Variants in ZNF664 observed in about 807,000 individuals in gnomAD.
ZNF664 encodes zinc finger Organ of Corti 1.
A neutral mutation model predicts 18.2 loss-of-function variants in ZNF664; 10 were observed. The ratio of observed to expected loss-of-function variants is 0.55; its 90% confidence interval spans 0.34 to 0.93. The LOEUF (loss-of-function observed/expected upper bound fraction) is 0.93. Ranked by LOEUF, ZNF664 falls within the 40% of genes least tolerant of loss-of-function variation. The pLI is 0.02. For synonymous variants in ZNF664, 119 were observed against 104.2 expected (o/e 1.14, Z -0.86); for missense variants, 193 against 319.0 (o/e 0.61, Z 3.01).
chr12:123,999,931 G>A (rs1956992208), intron 3 of ZNF664, among the ~76,000 whole-genome samples: 1 of 152,334 alleles, frequency 6.6e-6, no homozygotes, highest in Middle Eastern at 3.4e-3. Flanking sequence ...CCTGAGGCTT[G>A]GAAGACCCAG....
chr12:123,988,745 T>C (rs1389792337), intron 3 of ZNF664, among the ~76,000 whole-genome samples: 3 of 149,466 alleles, frequency 2.0e-5, no homozygotes, highest in Non-Finnish European at 3.0e-5. Flanking sequence ...GTTTTCTCTT[T>C]GGATTTGTTC....
At chr12:123,991,163 A>G (rs1956884467) in intron 3 of ZNF664, among the ~76,000 whole-genome samples, 1 of 152,208 alleles carries the variant, frequency 6.6e-6, no homozygotes, top group Non-Finnish European at 1.5e-5. Flanking sequence ...TAGATAAGAT[A>G]AACTTAGGCC....
intron 3 of ZNF664, chr12:124,006,304 A>C (rs1957072958): frequency 6.6e-6 from 1 of 152,142 alleles, no homozygotes; most frequent in Admixed American, 6.5e-5. Flanking sequence ...CCTATGCTGG[A>C]GTGGTAGTCT....
intron 3 of ZNF664, among the ~76,000 whole-genome samples, chr12:124,010,182 G>A (rs1053496553): frequency 1.1e-4 from 17 of 152,042 alleles, no homozygotes; most frequent in Admixed American, 2.6e-4. Context: ...CATTTTTGCC[G>A]AAATTTTGGG....
In ZNF664 at chr12:124,011,769, A is replaced by G. The variant is rs1054852; in HGVS notation, c.-376A>G. 0.39 allele frequency: 420,392 copies of G among 1,076,534 alleles called. 67,303 individuals are homozygous for G. The highest frequency in any genetic ancestry group is 0.57 in the African/African-American group (33,689 of 58,622). The allele number at this position is 1,076,534 out of a possible 1,614,324, so 66.7% of individuals were successfully genotyped here. ...ACAGTCCTTTTTCTAGAAGTGAGAC[A>G]TACAAGATTACTCTACAAGAGGAAG... On this transcript the variant is annotated 5_prime_UTR_variant, in exon 5 of 5. Transcript: ENST00000337815.
In ZNF664 at chr12:124,013,337, A is replaced by G; in HGVS notation, c.*407A>G. 1 of 202,322 alleles carries G rather than the reference A, an allele frequency of 4.9e-6. No individual in the cohort carries two copies. Among genetic ancestry groups the G allele is most frequent in the South Asian group, 1.2e-4 (1 of 8,630 alleles). 12.5% of individuals were successfully genotyped at this position (202,322 alleles called of 1,614,324 possible). A position where few individuals can be genotyped will look rare whatever the true frequency, so the allele number is the denominator to read the frequency against. ...CCTTCCTTCCTCTTTATTCGAGCAT[A>G]CTGGCAATGCATTGGAAAACAGACA... On this transcript the variant is annotated 3_prime_UTR_variant, in exon 5 of 5. Coordinates refer to ENST00000337815, the MANE Select transcript of ZNF664 (RefSeq NM_152437.3).
intron 3 of ZNF664, among the ~76,000 whole-genome samples, chr12:124,005,399 C>G (rs1335404914): frequency 6.6e-6 from 1 of 151,596 alleles, no homozygotes; most frequent in Non-Finnish European, 1.5e-5. Context: ...TTTTTGAAAA[C>G]AATGTAAATA....
chr12:123,998,706 CCCT>C (rs1019548537), intron 3 of ZNF664: 5 of 152,488 alleles, frequency 3.3e-5, no homozygotes, highest in African/African-American at 1.2e-4. Flanking sequence ...CATCGCCTTC[CCCT>C]CCTCAACTGT....
At chr12:123,995,877 T>C (rs549524608) in intron 3 of ZNF664, among the ~76,000 whole-genome samples, 12 of 152,324 alleles carry the variant, frequency 7.9e-5, no homozygotes, top group Admixed American at 7.8e-4. Context: ...ACCCCCTGAC[T>C]GGACCAGGCA....
intron 3 of ZNF664, among the ~76,000 whole-genome samples, chr12:124,000,815 G>C (rs979522089): frequency 1.4e-4 from 21 of 152,076 alleles, no homozygotes; most frequent in Admixed American, 1.3e-3. Context: ...CTGTAGCTTA[G>C]TCCCAGGGCC....
chr12:124,010,921 C>G (rs1036919374), intron 3 of ZNF664, among the ~76,000 whole-genome samples: 1 of 152,032 alleles, frequency 6.6e-6, no homozygotes, highest in African/African-American at 2.4e-5. Context: ...AGGCAGGAAA[C>G]GCTTAGGGTG....
At chr12:123,987,426 A>G (rs1330501554) in intron 2 of ZNF664, among the ~76,000 whole-genome samples, 1 of 152,262 alleles carries the variant, frequency 6.6e-6, no homozygotes, top group East Asian at 1.9e-4. Context: ...TGATAATGAT[A>G]GCTTTGTTGA....
chr12:123,998,028 G>C (rs939221615), intron 3 of ZNF664, among the ~76,000 whole-genome samples: 1 of 152,176 alleles, frequency 6.6e-6, no homozygotes, highest in African/African-American at 2.4e-5. Context: ...GAGCCAAAGA[G>C]TGTTCCCTGT....
At chr12:123,999,252 G>T (rs1359559153) in intron 3 of ZNF664, among the ~76,000 whole-genome samples, 1 of 152,152 alleles carries the variant, frequency 6.6e-6, no homozygotes, top group Non-Finnish European at 1.5e-5. Flanking sequence ...CATCTTCCCA[G>T]TTCTTTTTCA....
intron 3 of ZNF664, among the ~76,000 whole-genome samples, chr12:123,990,044 T>C (rs1566199454): frequency 6.6e-6 from 1 of 152,194 alleles, no homozygotes; most frequent in Non-Finnish European, 1.5e-5. Context: ...GACCCAGGTA[T>C]AAAAATAGCC....
intron 2 of ZNF664, 164 bp downstream of exon 2, chr12:123,974,184 A>G (rs967592828): frequency 6.8e-6 from 3 of 441,610 alleles, no homozygotes; most frequent in Non-Finnish European, 1.1e-5. Context: ...TCTCTCCGCC[A>G]CATCACCTCT....
At chr12:123,997,070 TTTTCTATG>T (rs1956958060) in intron 3 of ZNF664, among the ~76,000 whole-genome samples, 1 of 152,184 alleles carries the variant, frequency 6.6e-6, no homozygotes, top group Non-Finnish European at 1.5e-5. Context: ...AAAATAAAGA[TTTTCTATG>T]AAATGTAATC....
rs1196412422 is a variant in ZNF664, at chr12:124,012,116, C to T, written c.-29C>T. ...TGTAGTAATCATAAGGAAATTTTCT[C>T]CTTGAAATCACGATACCAAATAGGA... On this transcript the variant is annotated 5_prime_UTR_variant, in exon 5 of 5. Transcript: ENST00000337815. The T allele has an allele frequency of 6.3e-7, 1 of 1,576,124 alleles. No homozygotes were observed. Among genetic ancestry groups the T allele is most frequent in the Non-Finnish European group, 8.6e-7 (1 of 1,167,556 alleles).
At chr12:123,979,232 A>G (rs1956731861) in intron 2 of ZNF664, among the ~76,000 whole-genome samples, 1 of 152,260 alleles carries the variant, frequency 6.6e-6, no homozygotes, top group Non-Finnish European at 1.5e-5. Context: ...TGTATAAAGA[A>G]TAAATAGAAT....
Sources: gnomAD v4.1 joint callset for allele counts (sites outside exome capture counted in the v4.1 genomes callset) on GRCh38, gnomAD v4.1.1 for gene constraint, MANE v1.5 for transcripts, NCBI Gene and HGNC (gene_info 2026-07-23, HGNC 2026-07-21) for gene names.